The following RBMS1 variants were observed in gnomAD, a reference collection of about 807,000 sequenced individuals.
RBMS1 encodes the protein RNA binding motif single stranded interacting protein 1, also known as RNA-binding motif, single-stranded-interacting protein 1.
In RBMS1, 17 loss-of-function variants were observed where a neutral mutation model predicts 62.3. That is an observed-to-expected ratio of 0.27 (90% CI 0.19 to 0.41). RBMS1 has a LOEUF of 0.41. Among genes scored for constraint, RBMS1 ranks in the 10% least tolerant of loss-of-function variants. The pLI is 1.00. For missense variants in RBMS1, 334 were observed against 504.5 expected, an observed-to-expected ratio of 0.66 and a Z score of 3.24; for synonymous variants, 172 against 170.0, an observed-to-expected ratio of 1.01 and a Z score of -0.09.
chr2:160,319,074 C>T (rs976940603), intron 2 of RBMS1, among the ~76,000 whole-genome samples: 2 of 152,172 alleles, frequency 1.3e-5, no homozygotes, highest in Non-Finnish European at 1.5e-5. Flanking sequence ...GAAAACGAAG[C>T]GACAGTATAA....
chr2:160,485,426 G>C (rs189183430), intron 1 of RBMS1, among the ~76,000 whole-genome samples: 2 of 152,318 alleles, frequency 1.3e-5, no homozygotes, highest in African/African-American at 4.8e-5. Context: ...AGAAACATCT[G>C]ATGTGGTGAT....
intron 3 of RBMS1, among the ~76,000 whole-genome samples, chr2:160,317,331 A>C (rs534769990): frequency 6.6e-6 from 1 of 152,286 alleles, no homozygotes; most frequent in South Asian, 2.1e-4. Flanking sequence ...CTAATTAACG[A>C]GGAGATTTGC....
At chr2:160,491,464 A>G (rs980850341) in intron 1 of RBMS1, among the ~76,000 whole-genome samples, 1 of 152,246 alleles carries the variant, frequency 6.6e-6, no homozygotes, top group African/African-American at 2.4e-5. Context: ...CCTAATTACT[A>G]GAGCAGGCTC....
chr2:160,287,289 C>G (rs1017174928), intron 6 of RBMS1, among the ~76,000 whole-genome samples: 1 of 152,176 alleles, frequency 6.6e-6, no homozygotes, highest in South Asian at 2.1e-4. Context: ...TATTTCTGAA[C>G]ATTTAAATAA....
intron 2 of RBMS1, among the ~76,000 whole-genome samples, chr2:160,319,650 T>C (rs1240392873): frequency 6.6e-6 from 1 of 152,244 alleles, no homozygotes; most frequent in African/African-American, 2.4e-5. Context: ...ACATTTGCTC[T>C]ACTTTAATTT....
At position 160,493,398 on chromosome 2, in the gene RBMS1, G is replaced by A. The variant is rs1475832702; in HGVS notation, c.-35C>T. 6.2e-7 allele frequency: 1 copy of A among 1,604,350 alleles called. No individual in the cohort carries two copies. The highest frequency in any genetic ancestry group is 2.2e-5 in the East Asian group (1 of 44,706). On this transcript the variant is annotated 5_prime_UTR_variant, in exon 1 of 14. Transcript: ENST00000348849. ...AGGGAGCCTGCCGTGCAGGGTCGCG[G>A]ACACTTTGGGGTTTCCAAGTCTCGG...
At chr2:160,374,202 CTG>C (rs1693875551) in intron 1 of RBMS1, among the ~76,000 whole-genome samples, 2 of 152,296 alleles carry the variant, frequency 1.3e-5, no homozygotes, top group Non-Finnish European at 2.9e-5. Context: ...CTGCAGTGAG[CTG>C]TGATTGTGCC....
At chr2:160,443,867 A>G (rs140454542) in intron 1 of RBMS1, among the ~76,000 whole-genome samples, 2 of 152,326 alleles carry the variant, frequency 1.3e-5, no homozygotes, top group Non-Finnish European at 2.9e-5. Flanking sequence ...AGGCCACTCT[A>G]CTTTACTTGT....
chr2:160,493,074 T>G, intron 1 of RBMS1: 33 of 507,182 alleles, frequency 6.5e-5, no homozygotes, highest in Non-Finnish European at 8.3e-5. Context: ...CCCCCGCGGC[T>G]TTCTGTAACC....
intron 2 of RBMS1, among the ~76,000 whole-genome samples, chr2:160,335,176 A>G (rs1691499304): frequency 6.6e-6 from 1 of 152,162 alleles, no homozygotes; most frequent in Non-Finnish European, 1.5e-5. Context: ...TGAAAAGGGG[A>G]TGAGAGAATG....
intron 9 of RBMS1, 95 bp from the exon 10 acceptor site, chr2:160,281,459 G>C: frequency 9.4e-7 from 1 of 1,058,648 alleles, no homozygotes; most frequent in South Asian, 1.5e-5. Flanking sequence ...AAAATCTACA[G>C]AAAGAAAACA....
At chr2:160,308,344 C>T (rs186018640) in intron 4 of RBMS1, among the ~76,000 whole-genome samples, 1,922 of 151,974 alleles carry the variant, frequency 0.013, 32 homozygotes, top group Middle Eastern at 0.061. Flanking sequence ...TGCAGTGAGC[C>T]GATATCACCC....
At chr2:160,337,351 C>T (rs1012455429) in intron 2 of RBMS1, among the ~76,000 whole-genome samples, 2 of 151,958 alleles carry the variant, frequency 1.3e-5, no homozygotes, top group Non-Finnish European at 2.9e-5. Flanking sequence ...CCAGGCTGGT[C>T]TCGAATTCCT....
At chr2:160,383,722 G>A (rs778319235) in intron 1 of RBMS1, among the ~76,000 whole-genome samples, 16 of 151,978 alleles carry the variant, frequency 1.1e-4, no homozygotes, top group Non-Finnish European at 1.5e-4. Context: ...GTGGTATAGC[G>A]AGCTATGTAA....
intron 1 of RBMS1, among the ~76,000 whole-genome samples, chr2:160,389,675 G>C (rs554634973): frequency 1.6e-4 from 17 of 108,464 alleles, no homozygotes; most frequent in Non-Finnish European, 2.7e-4. Flanking sequence ...TCCAGCCTAG[G>C]CAACAGAGCA....
chr2:160,461,456 TGG>T (rs1459598436), intron 1 of RBMS1, among the ~76,000 whole-genome samples: 2 of 152,164 alleles, frequency 1.3e-5, no homozygotes, highest in African/African-American at 4.8e-5. Flanking sequence ...TTCCAGTAAG[TGG>T]AGGGACAGGA....
At chr2:160,323,254 C>T (rs1690682679) in intron 2 of RBMS1, among the ~76,000 whole-genome samples, 1 of 151,216 alleles carries the variant, frequency 6.6e-6, no homozygotes, top group Admixed American at 6.6e-5. Context: ...GGTGTGCAGA[C>T]TGCTTGAGCT....
At chr2:160,491,061 T>A (rs958578981) in intron 1 of RBMS1, among the ~76,000 whole-genome samples, 5 of 151,940 alleles carry the variant, frequency 3.3e-5, no homozygotes, top group East Asian at 1.9e-4. Context: ...TTTTTTTTTT[T>A]AAATGATTCA....
intron 2 of RBMS1, among the ~76,000 whole-genome samples, chr2:160,338,713 A>G (rs956310067): frequency 3.3e-5 from 5 of 152,230 alleles, no homozygotes; most frequent in Admixed American, 2.6e-4. Context: ...TGCTAAATAA[A>G]TGGTGGTTGA....
Sources: gnomAD v4.1 joint callset for allele counts (sites outside exome capture counted in the v4.1 genomes callset) on GRCh38, gnomAD v4.1.1 for gene constraint, MANE v1.5 for transcripts, NCBI Gene and HGNC (gene_info 2026-07-23, HGNC 2026-07-21) for gene names.